CALU: variants seen among roughly 807,000 people sequenced by gnomAD.
The protein encoded by CALU is IEF SSP 9302.
In CALU, 13 loss-of-function variants were observed where a neutral mutation model predicts 37.5. The observed-to-expected ratio is 0.35, with a 90% confidence interval of 0.23 to 0.55. CALU has a LOEUF of 0.55. Ranked by LOEUF, CALU falls within the 20% of genes least tolerant of loss-of-function variation. The probability of loss-of-function intolerance (pLI) is 0.89; values close to 1 mark genes in which losing one functional copy is unlikely to be tolerated. For synonymous variants in CALU, 114 were observed against 133.8 expected (o/e 0.85, Z 1.02); for missense variants, 282 against 391.7 (o/e 0.72, Z 2.36).
intron 1 of CALU, among the ~76,000 whole-genome samples, chr7:128,743,575 G>A (rs1800319780): frequency 6.6e-6 from 1 of 151,272 alleles, no homozygotes; most frequent in South Asian, 2.1e-4. Context: ...AGGCTGGAGT[G>A]TGGTGGCATG....
chr7:128,761,007 T>G (rs1585015570), intron 5 of CALU, among the ~76,000 whole-genome samples: 1 of 152,308 alleles, frequency 6.6e-6, no homozygotes, highest in South Asian at 2.1e-4. Flanking sequence ...GATAAATAAA[T>G]GACGGGGAGT....
intron 3 of CALU, among the ~76,000 whole-genome samples, chr7:128,757,751 AAG>A (rs1800945664): frequency 6.6e-6 from 1 of 152,158 alleles, no homozygotes; most frequent in Non-Finnish European, 1.5e-5. Flanking sequence ...CAGATTGAAA[AAG>A]AATTTTATTT....
rs751992409 is a variant in CALU, at chr7:128,748,617, C to T, written c.34C>T (p.Leu12=). 21 of 1,613,968 alleles carry T rather than the reference C, an allele frequency of 1.3e-5. No individual in the cohort carries two copies. Among genetic ancestry groups the T allele is most frequent in the Non-Finnish European group, 1.7e-5 (20 of 1,179,944 alleles). Reference sequence around the variant, plus strand: ...GCGACAGTTTCTTATGTGCCTGTCCCTGTGCACAGCCTTTGCCTTGAGCAA... The same window carrying T: ...GCGACAGTTTCTTATGTGCCTGTCCTTGTGCACAGCCTTTGCCTTGAGCAA... ...DLRQFLMCLS[L]CTAFALSKPT... The change falls in exon 2 of 7, where the codon CTG becomes TTG. Residue 12 remains leucine, a synonymous_variant. Transcript: ENST00000249364.
At chr7:128,748,933 C>T (rs778489780) in intron 2 of CALU, 129 bp downstream of exon 2, 3 of 616,110 alleles carry the variant, frequency 4.9e-6, no homozygotes, top group Middle Eastern at 5.8e-4. Flanking sequence ...GAAAGCTAAC[C>T]ATGGAATTAC....
In CALU at chr7:128,771,287, T is replaced by G. The variant is rs1028302156; in HGVS notation, c.*2120T>G. On this transcript the variant is annotated 3_prime_UTR_variant, in exon 7 of 7. Transcript: ENST00000249364. ...TGAATGATCCCTTTGAAATTTTTTT[T>G]TTGTTTGTTTGTTTAAATCAAGCCT... 3.9e-5 allele frequency: 6 copies of G among 152,646 alleles called. No individual in the cohort carries two copies. The highest frequency in any genetic ancestry group is 7.3e-5 in the Non-Finnish European group (5 of 68,038). The allele number at this position is 152,646 out of a possible 1,614,324, so 9.5% of individuals were successfully genotyped here. A position where few individuals can be genotyped will look rare whatever the true frequency, so the allele number is the denominator to read the frequency against.
intron 1 of CALU, 100 bp downstream of exon 1, chr7:128,739,532 C>G (rs570904810): frequency 7.2e-5 from 11 of 152,778 alleles, no homozygotes; most frequent in Non-Finnish European, 1.0e-4. Flanking sequence ...GACTGCCTCA[C>G]TCGGTGCCGC....
At chr7:128,755,142 CAAAAAAA>C (rs35269374) in intron 3 of CALU, among the ~76,000 whole-genome samples, 1 of 124,954 alleles carries the variant, frequency 8.0e-6, no homozygotes, top group African/African-American at 3.1e-5. Flanking sequence ...CTGTCTCTAC[CAAAAAAA>C]AAAAAAAAAA....
intron 3 of CALU, among the ~76,000 whole-genome samples, chr7:128,757,358 AGTGTGTGTGTGTGTGTGTGT>A (rs10638444): frequency 1.3e-4 from 19 of 146,182 alleles, no homozygotes; most frequent in African/African-American, 4.5e-4. Context: ...TATGGCTTTG[AGTGTGTGTGTGTGTGTGTGT>A]GTGTGTGTGT....
At position 128,769,133 on chromosome 7, in the gene CALU, T is replaced by C; in HGVS notation, c.914T>C (p.Phe305Ser). ...TTTGTTGGCAGCCAGGCCACAGATT[T>C]TGGGGAGGCCTTAGTACGGCATGAT... ...DLFVGSQATD[F>S]GEALVRHDEF is the part of the protein sequence containing the mutation. Residue 305 changes from phenylalanine (F) to serine (S), a missense_variant, in exon 7 of 7, where the codon TTT becomes TCT. Phe to Ser is a radical substitution (Grantham distance 155). Coordinates refer to ENST00000249364, the MANE Select transcript of CALU (RefSeq NM_001219.5). The C allele has an allele frequency of 1.2e-6, 2 of 1,611,334 alleles. No homozygotes were observed. Among genetic ancestry groups the C allele is most frequent in the Non-Finnish European group, 1.7e-6 (2 of 1,177,524 alleles).
chr7:128,758,809 C>T lies in CALU; in HGVS notation c.416-62C>T, dbSNP rs1800987448. On this transcript the variant is annotated intron_variant, in intron 3 of 6. Transcript: ENST00000249364. ...TCTTTATTGGAAATTGATTTCCCACCCCACACATTTTCATGTTTTCTGAAA... is the reference window on the plus strand; with the variant it reads ...TCTTTATTGGAAATTGATTTCCCACTCCACACATTTTCATGTTTTCTGAAA... 7.0e-6 allele frequency: 8 copies of T among 1,149,640 alleles called. No individual in the cohort carries two copies. In the Admixed American group the frequency reaches 1.2e-4, roughly 17 times the overall value. The allele number at this position is 1,149,640 out of a possible 1,614,324, so 71.2% of individuals were successfully genotyped here.
Position 128,759,011 on chromosome 7 carries a change from G to A in CALU, c.556G>A (p.Asp186Asn), listed in dbSNP as rs1475402090. Residue 186 changes from aspartate to asparagine, a missense_variant, in exon 4 of 7, where the codon GAC becomes AAC. Coordinates refer to ENST00000249364, the MANE Select transcript of CALU (RefSeq NM_001219.5). ...AGCTTTCCTGCACCCTGAGGAGTAT[G>A]ACTACATGAAAGATATAGTAGTACA... ...FTAFLHPEEY[D>N]YMKDIVVQET... The A allele has an allele frequency of 6.2e-7, 1 of 1,613,732 alleles. No individual in the cohort carries two copies. The highest frequency in any genetic ancestry group is 1.7e-5 in the Admixed American group (1 of 59,954).
chr7:128,762,727 C>T (rs967714615), intron 5 of CALU, among the ~76,000 whole-genome samples: 4 of 152,060 alleles, frequency 2.6e-5, no homozygotes, highest in Non-Finnish European at 5.9e-5. Flanking sequence ...AGTGCAGTGG[C>T]GTGATCTCCA....
chr7:128,754,456 G>A lies in CALU; in HGVS notation c.415+1G>A. On this transcript the variant is annotated splice_donor_variant, in intron 3 of 6. Transcript: ENST00000249364. LOFTEE classifies it high-confidence loss of function. Reference sequence around the variant, plus strand: ...AATGCCACCTACGGCTACGTTTTAGGTAGGTCCCTACTGTCTGGGGGAAAA... The same window carrying A: ...AATGCCACCTACGGCTACGTTTTAGATAGGTCCCTACTGTCTGGGGGAAAA... The A allele has an allele frequency of 1.9e-6, 3 of 1,612,526 alleles. No individual in the cohort carries two copies. Among genetic ancestry groups the A allele is most frequent in the Non-Finnish European group, 2.5e-6 (3 of 1,179,274 alleles).
chr7:128,754,262 A>T lies in CALU; in HGVS notation c.222A>T (p.Gly74=). Residue 74 remains glycine, a splice_region_variant and synonymous_variant, in exon 3 of 7, where the codon GGA becomes GGT. Coordinates refer to ENST00000249364, the MANE Select transcript of CALU (RefSeq NM_001219.5). ...LTPEESKERL[G]KIVSKIDGDK... ...CTGGATTTCTCTGCATTTTCTACAG[A>T]AAGATTGTAAGTAAAATAGATGGCG... The T allele has an allele frequency of 6.2e-7, 1 of 1,603,790 alleles. No individual in the cohort carries two copies. Among genetic ancestry groups the T allele is most frequent in the Non-Finnish European group, 8.5e-7 (1 of 1,175,294 alleles).
chr7:128,766,181 C>CT (rs1406215760), intron 5 of CALU, among the ~76,000 whole-genome samples: 2 of 151,988 alleles, frequency 1.3e-5, no homozygotes, highest in Non-Finnish European at 2.9e-5. Flanking sequence ...ATGCTGGTCT[C>CT]AAACTCCTGA....
chr7:128,765,831 G>A (rs1361126932), intron 5 of CALU, among the ~76,000 whole-genome samples: 1 of 152,152 alleles, frequency 6.6e-6, no homozygotes, highest in African/African-American at 2.4e-5. Context: ...TTTAGAGGAA[G>A]TACTAACAGA....
chr7:128,755,264 A>G (rs1459710820), intron 3 of CALU, among the ~76,000 whole-genome samples: 1 of 127,852 alleles, frequency 7.8e-6, no homozygotes, highest in Non-Finnish European at 1.6e-5. Context: ...GCGAGCCATG[A>G]TTGCACTGCT....
rs1017152521 is a variant in CALU at position 128,772,764 on chromosome 7, C to T, written c.*3597C>T. ...AAAGCCTTGCACAATGCTTTGTACC[C>T]AGAATGCCCTTAGGTGGTTTTGAAT... On this transcript the variant is annotated 3_prime_UTR_variant, in exon 7 of 7. Transcript: ENST00000249364. 2.7e-6 allele frequency: 4 copies of T among 1,479,912 alleles called. No homozygotes were observed. The African/African-American group carries it at 4.2e-5, about 15-fold the overall frequency. The allele number at this position is 1,479,912 out of a possible 1,614,324, so 91.7% of individuals were successfully genotyped here.
At chr7:128,754,091 C>T (rs1585008363) in intron 2 of CALU, among the ~76,000 whole-genome samples, 171 bp from the exon 3 acceptor site, 1 of 152,190 alleles carries the variant, frequency 6.6e-6, no homozygotes, top group Non-Finnish European at 1.5e-5. Flanking sequence ...ACCTTATTCA[C>T]GTGGCTTATT....
Sources: allele counts gnomAD v4.1 joint callset (sites outside exome capture counted in the v4.1 genomes callset), GRCh38; gene constraint gnomAD v4.1.1; transcripts MANE v1.5; gene names NCBI Gene and HGNC (gene_info 2026-07-23, HGNC 2026-07-21).